Variants in ARID4B observed in about 807,000 individuals in gnomAD.
ARID4B encodes the protein AT-rich interactive domain-containing protein 4B.
In ARID4B, 26 loss-of-function variants were observed where a neutral mutation model predicts 147.5. The ratio of observed to expected loss-of-function variants is 0.18; its 90% CI spans 0.13 to 0.24. The LOEUF is 0.24. ARID4B is among the 10% of genes least tolerant of loss of function. The pLI is 1.00. For missense variants in ARID4B, 1,179 were observed against 1,511.5 expected (o/e 0.78, Z 3.65); for synonymous variants, 512 against 507.9 (o/e 1.01, Z -0.11).
rs759291408 is a variant in ARID4B, at chr1:235,264,645, G to C, written c.7-3893C>G. On this transcript the variant is annotated intron_variant, in intron 2 of 23. Coordinates refer to ENST00000264183, the MANE Select transcript of ARID4B (RefSeq NM_016374.6). ...GCACTCCATTGTGATGTCTGAGGTA[G>C]TCAGCTAGGAAGTTATAATTAATAT... Among the ~76,000 whole-genome samples, 196 of 152,310 alleles carry C rather than the reference G, an allele frequency of 1.3e-3. 1 individual carries two copies. The highest frequency in any genetic ancestry group is 2.1e-3 in the Non-Finnish European group (141 of 68,038).
At position 235,182,072 on chromosome 1, in the gene ARID4B, A is replaced by G. The variant is rs748893355; in HGVS notation, c.2847T>C (p.Thr949=). 3 of 1,614,072 alleles carry G rather than the reference A, an allele frequency of 1.9e-6. No individual in the cohort carries two copies. Among genetic ancestry groups the G allele is most frequent in the Non-Finnish European group, 2.5e-6 (3 of 1,180,038 alleles). ...TLKELFSDSD[T]EAAASPPHPA... The stretch of plus-strand genomic sequence containing the variant: ...GATGCGGTGGGGAAGCTGCAGCCTC[A>G]GTATCAGAGTCTGAAAAAAGCTCTT... Residue 949 remains threonine, a synonymous_variant, in exon 20 of 24, where the codon ACT becomes ACC. Coordinates refer to ENST00000264183, the MANE Select transcript of ARID4B (RefSeq NM_016374.6).
chr1:235,219,191 T>C (rs934457406), intron 16 of ARID4B, among the ~76,000 whole-genome samples: 1 of 152,060 alleles, frequency 6.6e-6, no homozygotes. Context: ...TTTTAATTCA[T>C]TGTACTTATT....
intron 2 of ARID4B, among the ~76,000 whole-genome samples, chr1:235,265,019 C>T (rs999205608): frequency 2.1e-5 from 3 of 145,894 alleles, no homozygotes; most frequent in Admixed American, 7.0e-5. Context: ...GAGATCATGC[C>T]GTTGCACTCC....
chr1:235,258,168 T>G (rs1011008129), intron 3 of ARID4B, among the ~76,000 whole-genome samples: 1 of 151,946 alleles, frequency 6.6e-6, no homozygotes, highest in African/African-American at 2.4e-5. Context: ...CCATCTCTAT[T>G]AAAAATACAA....
In ARID4B at chr1:235,182,532, T is replaced by C; in HGVS notation, c.2387A>G (p.Glu796Gly). The change falls in exon 20 of 24, where the codon GAA becomes GGA. Residue 796 changes from glutamate (E) to glycine (G), a missense_variant. This residue lies in a region of ARID4B where 321 missense variants were observed against 342.4 expected (regional missense o/e 0.94). Coordinates refer to ENST00000264183, the MANE Select transcript of ARID4B (RefSeq NM_016374.6). ...IEVLSEDTDY[E>G]EDEVTKKRKD... is the part of the protein sequence containing the mutation. Reference sequence around the variant, plus strand: ...TCTCTTTTTTGTGACTTCATCTTCTTCATAATCAGTATCTTCGGATAATAC... The same window carrying C: ...TCTCTTTTTTGTGACTTCATCTTCTCCATAATCAGTATCTTCGGATAATAC... 6.2e-7 allele frequency: 1 copy of C among 1,613,174 alleles called. No homozygotes were observed. Among genetic ancestry groups the C allele is most frequent in the East Asian group, 2.2e-5 (1 of 44,870 alleles).
chr1:235,317,945 C>T (rs1032128121), intron 2 of ARID4B, among the ~76,000 whole-genome samples: 3 of 152,040 alleles, frequency 2.0e-5, no homozygotes, highest in Non-Finnish European at 4.4e-5. Flanking sequence ...TATTAGTACC[C>T]TAAGAACTGA....
chr1:235,324,107 G>A (rs1675046562), intron 2 of ARID4B, among the ~76,000 whole-genome samples: 2 of 151,548 alleles, frequency 1.3e-5, no homozygotes, highest in South Asian at 2.1e-4. Context: ...GTTTTACTAC[G>A]CTGGCCAGGC....
At chr1:235,321,283 A>C (rs1203411871) in intron 2 of ARID4B, among the ~76,000 whole-genome samples, 1 of 152,210 alleles carries the variant, frequency 6.6e-6, no homozygotes, top group Non-Finnish European at 1.5e-5. Context: ...TTTATAGCAC[A>C]AAATTTGCCA....
intron 12 of ARID4B, 93 bp from the exon 13 acceptor site, chr1:235,223,353 T>TTATATATATATCCACGTATATATA (rs1667592236): frequency 3.9e-6 from 1 of 256,364 alleles, no homozygotes; most frequent in Admixed American, 1.2e-4. Flanking sequence ...TTATAGTATT[T>TTATATATATATCCACGTATATATA]TATATATATA....
Position 235,301,309 on chromosome 1 carries a change from G to A in ARID4B, c.6+25605C>T, listed in dbSNP as rs570585771. Among the ~76,000 whole-genome samples, 6 of 151,800 alleles carry A rather than the reference G, an allele frequency of 4.0e-5. No homozygotes were observed. The South Asian group carries it at 6.2e-4, about 16-fold the overall frequency. On this transcript the variant is annotated intron_variant, in intron 2 of 23. Coordinates refer to ENST00000264183, the MANE Select transcript of ARID4B (RefSeq NM_016374.6). ...TCTGAACACTTTGGGAGGCCAAGGC[G>A]GGAGAATCGCTTGAGCCCAGGAGTT...
chr1:235,269,392 T>C (rs1670823060), intron 2 of ARID4B, among the ~76,000 whole-genome samples: 3 of 152,310 alleles, frequency 2.0e-5, no homozygotes, highest in African/African-American at 4.8e-5. Context: ...AGTGGTGTAA[T>C]TGTGCAACGT....
chr1:235,237,921 C>T (rs964701430), intron 8 of ARID4B, among the ~76,000 whole-genome samples: 2 of 151,934 alleles, frequency 1.3e-5, no homozygotes, highest in Non-Finnish European at 2.9e-5. Context: ...GAGGCTGAGG[C>T]GGGCAGATCA....
At chr1:235,189,085 T>G (rs1017482003) in intron 19 of ARID4B, among the ~76,000 whole-genome samples, 3 of 152,044 alleles carry the variant, frequency 2.0e-5, no homozygotes, top group Middle Eastern at 3.4e-3. Context: ...TCTTGAAAAA[T>G]TAAACTAGTT....
intron 2 of ARID4B, among the ~76,000 whole-genome samples, chr1:235,283,199 G>A (rs917270069): frequency 2.6e-5 from 4 of 152,172 alleles, no homozygotes; most frequent in Non-Finnish European, 4.4e-5. Flanking sequence ...GTATAAAAGA[G>A]CAAAGAGAGG....
intron 17 of ARID4B, among the ~76,000 whole-genome samples, chr1:235,197,919 A>T (rs937699167): frequency 6.6e-6 from 1 of 152,228 alleles, no homozygotes; most frequent in Admixed American, 6.5e-5. Context: ...CGAAAATTGT[A>T]TAATGCTTAG....
At chr1:235,211,173 A>C (rs1666694703) in intron 17 of ARID4B, among the ~76,000 whole-genome samples, 1 of 152,152 alleles carries the variant, frequency 6.6e-6, no homozygotes, top group African/African-American at 2.4e-5. Flanking sequence ...ATCTCTACTA[A>C]AAATACAAAA....
intron 18 of ARID4B, among the ~76,000 whole-genome samples, chr1:235,195,124 G>C (rs1665405271): frequency 6.6e-6 from 1 of 152,048 alleles, no homozygotes; most frequent in Non-Finnish European, 1.5e-5. Context: ...TTTTGAGTGA[G>C]AGTAATTCTC....
intron 19 of ARID4B, among the ~76,000 whole-genome samples, chr1:235,184,332 G>A (rs191994932): frequency 1.3e-5 from 2 of 151,716 alleles, no homozygotes; most frequent in African/African-American, 4.8e-5. Flanking sequence ...TCAATCCTCA[G>A]AACAATGCTA....
intron 21 of ARID4B, among the ~76,000 whole-genome samples, chr1:235,176,436 C>CAAAAAAAAAAAAAA (rs1558168854): frequency 2.7e-5 from 1 of 36,520 alleles, no homozygotes; most frequent in African/African-American, 1.3e-4. Flanking sequence ...AACAACATCA[C>CAAAAAAAAAAAAAA]CAAAAAAAAA....
Sources: allele counts gnomAD v4.1 joint callset (sites outside exome capture counted in the v4.1 genomes callset), GRCh38; gene constraint gnomAD v4.1.1; regional missense constraint gnomAD v4.1.1; transcripts MANE v1.5; gene names NCBI Gene and HGNC (gene_info 2026-07-23, HGNC 2026-07-21).